ITIH4: variants seen among roughly 807,000 people sequenced by gnomAD.
The protein encoded by ITIH4 is inter-alpha-trypsin inhibitor heavy chain 4, also known as inter-alpha-trypsin inhibitor heavy chain H4.
In ITIH4, 79 loss-of-function variants were observed where a neutral mutation model predicts 111.8. The ratio of observed to expected loss-of-function variants is 0.71; its 90% CI spans 0.59 to 0.85. The LOEUF is 0.85. Among genes scored for constraint, ITIH4 ranks in the 40% least tolerant of loss-of-function variants. ITIH4 has a pLI of 0.00. For missense variants in ITIH4, 1,065 were observed against 1,195.8 expected (o/e 0.89, Z 1.61); for synonymous variants, 472 against 468.3 (o/e 1.01, Z -0.10).
chr3:52,823,002 A>G, intron 11 of ITIH4, among the ~76,000 whole-genome samples: 1 of 152,168 alleles, frequency 6.6e-6, no homozygotes, highest in East Asian at 1.9e-4. Context: ...TGTCTCTCCC[A>G]TGAGGGCACG....
intron 21 of ITIH4, among the ~76,000 whole-genome samples, chr3:52,816,476 C>A (rs1700278617): frequency 6.6e-6 from 1 of 152,200 alleles, no homozygotes. Flanking sequence ...GCTTGGGGGG[C>A]ACTGTATCAT....
intron 20 of ITIH4, among the ~76,000 whole-genome samples, chr3:52,817,290 C>T (rs1023096057): frequency 8.5e-5 from 13 of 152,348 alleles, no homozygotes; most frequent in Admixed American, 4.6e-4. Flanking sequence ...TCCTCGGCGA[C>T]GGCCACCCTC....
At chr3:52,820,117 G>T in intron 14 of ITIH4, 127 bp from the exon 15 acceptor site, 1 of 1,270,522 alleles carries the variant, frequency 7.9e-7, no homozygotes, top group Non-Finnish European at 1.1e-6. Context: ...ATGCACAGGC[G>T]ACTAAATGCA....
intron 17 of ITIH4, 68 bp downstream of exon 17, chr3:52,819,325 C>G: frequency 6.3e-7 from 1 of 1,595,098 alleles, no homozygotes; most frequent in Non-Finnish European, 8.6e-7. Flanking sequence ...CCCCACCCCC[C>G]TCTATGGGGC....
chr3:52,817,092 GC>G, intron 20 of ITIH4, 34 bp from the exon 21 acceptor site: 1 of 1,590,896 alleles, frequency 6.3e-7, no homozygotes, highest in Non-Finnish European at 8.6e-7. Flanking sequence ...TCATAGCTGG[GC>G]CCCAGCCAGG....
chr3:52,829,306 G>GC lies in ITIH4; in HGVS notation c.91-28dup, dbSNP rs1290875161. 7 of 1,587,566 alleles carry GC rather than the reference G, an allele frequency of 4.4e-6. No individual in the cohort carries two copies. In the African/African-American group the frequency reaches 8.1e-5, roughly 18 times the overall value. On this transcript the variant is annotated intron_variant, in intron 1 of 23. Coordinates refer to ENST00000266041, the MANE Select transcript of ITIH4 (RefSeq NM_002218.5). ...TGGACCAGCAAAGAAGAAGGGGGTT[G>GC]CAGGGTTTCAATGCCACCTCAGCTC...
chr3:52,821,110 G>A lies in ITIH4; in HGVS notation c.1560C>T (p.Phe520=), dbSNP rs1188113069. The change falls in exon 12 of 24, where the codon TTC becomes TTT. Residue 520 remains phenylalanine, a synonymous_variant. Coordinates refer to ENST00000266041, the MANE Select transcript of ITIH4 (RefSeq NM_002218.5). ...GCTCTGCCACACTGGACTCCGTTTG[G>A]AAAGTGATGTTCTGTGTAGGCTGGA... ...SGKLPTQNIT[F]QTESSVAEQE... 1 of 1,613,638 alleles carries A rather than the reference G, an allele frequency of 6.2e-7. No homozygotes were observed. Among genetic ancestry groups the A allele is most frequent in the South Asian group, 1.1e-5 (1 of 91,054 alleles).
At position 52,814,282 on chromosome 3, in the gene ITIH4, A is replaced by G. The variant is rs1700239726; in HGVS notation, c.2553T>C (p.Asp851=). The change falls in exon 22 of 24, where the codon GAT becomes GAC. Residue 851 remains aspartate (D), a synonymous_variant. Transcript: ENST00000266041. ...DKVTIGLLFW[D]GRGEGLRLLL... is the part of the protein sequence containing the mutation. ...GGAGCCGGAGCCCCTCCCCACGGCC[A>G]TCCCAGAACAACAGGCCGATGGTCA... is the stretch of plus-strand genomic sequence containing the variant. The G allele has an allele frequency of 6.2e-6, 10 of 1,614,052 alleles. No individual in the cohort carries two copies. The highest frequency in any genetic ancestry group is 8.5e-6 in the Non-Finnish European group (10 of 1,180,014).
chr3:52,823,863 C>T lies in ITIH4; in HGVS notation c.1313G>A (p.Arg438Gln), dbSNP rs142641144. 14 of 1,613,596 alleles carry T rather than the reference C, an allele frequency of 8.7e-6. No homozygotes were observed. Among genetic ancestry groups the T allele is most frequent in the African/African-American group, 1.3e-5 (1 of 74,872 alleles). ...AGAGTCTGAGTCCTCATGGATGCGC[C>T]GGGCCAGGCCGCCATTGTCCAGTGC... ...KLALDNGGLA[R>Q]RIHEDSDSAL... The change falls in exon 10 of 24, where the codon CGG becomes CAG. Residue 438 changes from arginine to glutamine, a missense_variant. Transcript: ENST00000266041.
At chr3:52,816,588 T>A (rs1700280650) in intron 21 of ITIH4, among the ~76,000 whole-genome samples, 1 of 152,176 alleles carries the variant, frequency 6.6e-6, no homozygotes, top group South Asian at 2.1e-4. Context: ...GTGAAGAAAC[T>A]GAGGCTCAGA....
At chr3:52,826,978 G>A in intron 3 of ITIH4, 25 bp from the exon 4 acceptor site, 1 of 1,613,908 alleles carries the variant, frequency 6.2e-7, no homozygotes, top group African/African-American at 1.3e-5. Context: ...CATCAGGCCT[G>A]CTCCTCCAGG....
rs1418335859 is a variant in ITIH4 at position 52,820,328 on chromosome 3, CAAAG to C, written c.1835-15_1835-12del. On this transcript the variant is annotated splice_polypyrimidine_tract_variant and intron_variant, in intron 13 of 23. Transcript: ENST00000266041. ...TCCTGTTTCTACTTTCTGGATAAAA[CAAAG>C]AGAGAGAGAGAGACAGACAGACAGA... 6.8e-6 allele frequency: 11 copies of C among 1,613,550 alleles called. No homozygotes were observed. The highest frequency in any genetic ancestry group is 2.2e-5 in the East Asian group (1 of 44,886).
chr3:52,814,046 C>T lies in ITIH4; in HGVS notation c.2652G>A (p.Trp884Ter). Residue 884 changes from tryptophan (W) to a stop codon, truncating the protein, a stop_gained, in exon 23 of 24, where the codon TGG becomes TGA. Transcript: ENST00000266041. LOFTEE classifies it high-confidence loss of function. ...TLGQFYQEVL[W>*]GSPAASDDGR... ...CGTCATCTGATGCTGCTGGAGATCC[C>T]CAGAGCACCTCCTGGTAAAACTGGC... is the stretch of plus-strand genomic sequence containing the variant. 1.2e-6 allele frequency: 2 copies of T among 1,613,874 alleles called. No homozygotes were observed. Among genetic ancestry groups the T allele is most frequent in the Non-Finnish European group, 1.7e-6 (2 of 1,179,932 alleles).
intron 1 of ITIH4, among the ~76,000 whole-genome samples, 193 bp from the exon 2 acceptor site, chr3:52,829,472 T>C (rs567704100): frequency 1.3e-5 from 2 of 152,306 alleles, no homozygotes; most frequent in Admixed American, 6.5e-5. Context: ...AGGTAAGAGA[T>C]AGCAGTGTGC....
At chr3:52,815,830 T>TGCC (rs1228403418) in intron 21 of ITIH4, among the ~76,000 whole-genome samples, 1 of 151,354 alleles carries the variant, frequency 6.6e-6, no homozygotes, top group African/African-American at 2.4e-5. Flanking sequence ...GGATTACAGG[T>TGCC]GCCCGCCACC....
In ITIH4 at chr3:52,818,099, G is replaced by A. The variant is rs1700310883; in HGVS notation, c.2249C>T (p.Pro750Leu). The A allele has an allele frequency of 1.2e-6, 2 of 1,613,756 alleles. No homozygotes were observed. The highest frequency in any genetic ancestry group is 1.7e-5 in the Admixed American group (1 of 60,002). The change falls in exon 20 of 24, where the codon CCC (proline) becomes CTC (leucine). Residue 750 changes from proline to leucine, a missense_variant. Transcript: ENST00000266041. ...GQSVERLCVD[P>L]RHRQGPVNLL... ...GTTCACTGGCCCCTGGCGGTGTCTG[G>A]GGTCCACACAGAGCCGCTCCACACT...
In ITIH4 at chr3:52,823,531, C is replaced by G. The variant is rs377128346; in HGVS notation, c.1539+25G>C. On this transcript the variant is annotated intron_variant, in intron 11 of 23. Transcript: ENST00000266041. Reference sequence around the variant, plus strand: ...CAGAGGTGGAGGCTGCCATTCCCCTCCAGGGTGGCTTTGGCCACACTCACC... The same window carrying G: ...CAGAGGTGGAGGCTGCCATTCCCCTGCAGGGTGGCTTTGGCCACACTCACC... 26 of 1,568,688 alleles carry G rather than the reference C, an allele frequency of 1.7e-5. No individual in the cohort carries two copies. The African/African-American group carries it at 3.4e-4, about 20-fold the overall frequency.
At position 52,813,277 on chromosome 3, in the gene ITIH4, C is replaced by A. The variant is rs1359993113; in HGVS notation, c.*144G>T. ...ATTTGGCCACATGGAACTGGAGACACCCACTTCCCAGGCTCACACCACCTT... is the reference window on the plus strand; with the variant it reads ...ATTTGGCCACATGGAACTGGAGACAACCACTTCCCAGGCTCACACCACCTT... On this transcript the variant is annotated 3_prime_UTR_variant, in exon 24 of 24. Transcript: ENST00000266041. 9 of 749,240 alleles carry A rather than the reference C, an allele frequency of 1.2e-5. No homozygotes were observed. Among genetic ancestry groups the A allele is most frequent in the Non-Finnish European group, 2.1e-5 (9 of 429,894 alleles). 46.4% of individuals were successfully genotyped at this position (749,240 alleles called of 1,614,324 possible). A position where few individuals can be genotyped will look rare whatever the true frequency, so the allele number is the denominator to read the frequency against.
chr3:52,819,449 C>G lies in ITIH4; in HGVS notation c.2021G>C (p.Gly674Ala), dbSNP rs1380552913. 3 of 1,614,126 alleles carry G rather than the reference C, an allele frequency of 1.9e-6. No individual in the cohort carries two copies. The highest frequency in any genetic ancestry group is 2.5e-6 in the Non-Finnish European group (3 of 1,180,004). ...AGCATGGTCAGGAACATCAGGAGGT[C>G]CTGGGAGTCCAAGTTGCCTGGAGCT... ...VLSSRQLGLP[G>A]PPDVPDHAAY... Residue 674 changes from glycine to alanine, a missense_variant, in exon 17 of 24, where the codon GGA (glycine) becomes GCA (alanine). Coordinates refer to ENST00000266041, the MANE Select transcript of ITIH4 (RefSeq NM_002218.5).
Sources: gnomAD v4.1 joint callset for allele counts (sites outside exome capture counted in the v4.1 genomes callset) on GRCh38, gnomAD v4.1.1 for gene constraint, MANE v1.5 for transcripts, NCBI Gene and HGNC (gene_info 2026-07-23, HGNC 2026-07-21) for gene names.